Variants in PRR16 observed in about 807,000 individuals in gnomAD.
The protein encoded by PRR16 is proline rich 16, also known as protein Largen.
PRR16 carries 6 observed loss-of-function variants against 18.2 expected under a neutral mutation model. That is an observed-to-expected ratio of 0.33 (90% confidence interval 0.18 to 0.65). The LOEUF (loss-of-function observed/expected upper bound fraction) is 0.65, where lower values mean the gene tolerates loss of function less well. Among genes scored for constraint, PRR16 ranks in the 30% least tolerant of loss-of-function variants. The pLI is 0.74. For missense variants in PRR16, 412 were observed against 376.6 expected (o/e 1.09, Z -0.78); for synonymous variants, 151 against 147.8 (o/e 1.02, Z -0.16).
At chr5:120,475,421 G>A (rs1223734707) in intron 1 of PRR16, among the ~76,000 whole-genome samples, 1 of 150,322 alleles carries the variant, frequency 6.7e-6, no homozygotes, top group African/African-American at 2.5e-5. Context: ...TTTTTCTTCT[G>A]TTTTTCTGCC....
At chr5:120,552,118 A>G (rs533773773) in intron 1 of PRR16, among the ~76,000 whole-genome samples, 5 of 152,084 alleles carry the variant, frequency 3.3e-5, no homozygotes, top group African/African-American at 7.2e-5. Flanking sequence ...AGGCTATACA[A>G]TGAGTGAACC....
intron 1 of PRR16, among the ~76,000 whole-genome samples, chr5:120,586,895 A>C (rs1041911315): frequency 1.3e-5 from 2 of 152,218 alleles, no homozygotes; most frequent in African/African-American, 2.4e-5. Flanking sequence ...TAAAGCCAAG[A>C]CAGGCCAAAA....
intron 1 of PRR16, among the ~76,000 whole-genome samples, chr5:120,527,949 G>A (rs1014748863): frequency 6.6e-6 from 1 of 152,114 alleles, no homozygotes; most frequent in East Asian, 1.9e-4. Flanking sequence ...AAGAGGTGAA[G>A]GGAAATCCAC....
At chr5:120,613,955 T>G (rs1754419831) in intron 1 of PRR16, among the ~76,000 whole-genome samples, 1 of 152,184 alleles carries the variant, frequency 6.6e-6, no homozygotes, top group South Asian at 2.1e-4. Context: ...CTGAAGGAAC[T>G]TTTAATGTAG....
At chr5:120,617,057 A>G in intron 1 of PRR16, 1 of 947,456 alleles carries the variant, frequency 1.1e-6, no homozygotes, top group Non-Finnish European at 1.3e-6. Flanking sequence ...TCTAAAGTAA[A>G]TGAACTATTT....
At chr5:120,676,609 A>G (rs1270481032) in intron 1 of PRR16, among the ~76,000 whole-genome samples, 1 of 152,018 alleles carries the variant, frequency 6.6e-6, no homozygotes, top group Non-Finnish European at 1.5e-5. Flanking sequence ...GTTAAATAAT[A>G]CAATTATGGT....
At chr5:120,548,774 G>T (rs1382741235) in intron 1 of PRR16, among the ~76,000 whole-genome samples, 1 of 97,956 alleles carries the variant, frequency 1.0e-5, no homozygotes, top group East Asian at 2.5e-4. Context: ...TGGCCAAGAG[G>T]TGACTAAGGA....
the PRR16 span, among the ~76,000 whole-genome samples, chr5:120,751,291 C>G: frequency 1.3e-5 from 2 of 152,116 alleles, no homozygotes; most frequent in South Asian, 4.1e-4. Context: ...ATACACCTAG[C>G]AAAAGTATTG....
At chr5:120,704,302 G>A in the PRR16 span, among the ~76,000 whole-genome samples, 1 of 152,100 alleles carries the variant, frequency 6.6e-6, no homozygotes, top group South Asian at 2.1e-4. Context: ...GGGAGGCCTG[G>A]TTTCTATGAG....
chr5:120,693,583 A>T, the PRR16 span, among the ~76,000 whole-genome samples: 1 of 152,244 alleles, frequency 6.6e-6, no homozygotes, highest in African/African-American at 2.4e-5. Flanking sequence ...TTCTTTGTAT[A>T]GGTCAGAAAC....
chr5:120,737,171 T>C, the PRR16 span, among the ~76,000 whole-genome samples: 1 of 152,216 alleles, frequency 6.6e-6, no homozygotes, highest in Non-Finnish European at 1.5e-5. Flanking sequence ...GTGGTAAGAA[T>C]GGACATCCTT....
At chr5:120,683,246 G>T (rs915026085) in intron 1 of PRR16, among the ~76,000 whole-genome samples, 1 of 152,092 alleles carries the variant, frequency 6.6e-6, no homozygotes, top group African/African-American at 2.4e-5. Context: ...GTTACTAAAA[G>T]TGAAACTGGG....
At chr5:120,706,766 A>G in the PRR16 span, among the ~76,000 whole-genome samples, 2 of 152,210 alleles carry the variant, frequency 1.3e-5, no homozygotes, top group African/African-American at 4.8e-5. Context: ...TTTCAAGAGA[A>G]GTTAAGATTA....
At chr5:120,693,189 C>T in the PRR16 span, among the ~76,000 whole-genome samples, 5 of 152,142 alleles carry the variant, frequency 3.3e-5, no homozygotes, top group African/African-American at 4.8e-5. Flanking sequence ...CAAGAAAGCC[C>T]GTGTTTGAGT....
chr5:120,688,056 A>C (rs1757168077), downstream of PRR16, among the ~76,000 whole-genome samples: 1 of 152,222 alleles, frequency 6.6e-6, no homozygotes, highest in Non-Finnish European at 1.5e-5. Flanking sequence ...CTTGATAAAG[A>C]ATCCAATGAC....
At chr5:120,503,191 C>T (rs1284481316) in intron 1 of PRR16, among the ~76,000 whole-genome samples, 2 of 151,936 alleles carry the variant, frequency 1.3e-5, no homozygotes, top group East Asian at 3.9e-4. Flanking sequence ...AATCTTAAGT[C>T]TTGCATAGTT....
chr5:120,646,048 T>TTATATATATATATTA (rs1755585781), intron 1 of PRR16, among the ~76,000 whole-genome samples: 1 of 104,984 alleles, frequency 9.5e-6, no homozygotes. Context: ...AATACATATT[T>TTATATATATATATTA]TATATATATA....
the PRR16 span, among the ~76,000 whole-genome samples, chr5:120,769,765 A>C: frequency 2.0e-5 from 3 of 151,760 alleles, no homozygotes; most frequent in African/African-American, 7.3e-5. Flanking sequence ...CCTGTTTTTA[A>C]TTTTTTGAGG....
chr5:120,574,658 A>C (rs1753017395), intron 1 of PRR16, among the ~76,000 whole-genome samples: 1 of 148,964 alleles, frequency 6.7e-6, no homozygotes, highest in Non-Finnish European at 1.5e-5. Flanking sequence ...TAAATATATG[A>C]AACAGTACTC....
Sources: allele counts gnomAD v4.1 joint callset (sites outside exome capture counted in the v4.1 genomes callset), GRCh38; gene constraint gnomAD v4.1.1; transcripts MANE v1.5; gene names NCBI Gene and HGNC (gene_info 2026-07-23, HGNC 2026-07-21).